RSPO3: variants seen among roughly 807,000 people sequenced by gnomAD.
RSPO3 encodes R-spondin 3, also known as R-spondin-3.
Under a neutral mutation model 36.5 loss-of-function variants are expected in RSPO3, and 17 were observed. The ratio of observed to expected loss-of-function variants is 0.47; its 90% CI spans 0.32 to 0.70. The LOEUF is 0.70. Ranked by LOEUF, RSPO3 falls within the 30% of genes least tolerant of loss-of-function variation. RSPO3 has a pLI of 0.04. For synonymous variants in RSPO3, 108 were observed against 107.0 expected, an observed-to-expected ratio of 1.01 and a Z score of -0.06; for missense variants, 294 against 322.5, an observed-to-expected ratio of 0.91 and a Z score of 0.68.
At chr6:127,135,413 C>A (rs900151086) in intron 1 of RSPO3, among the ~76,000 whole-genome samples, 1 of 89,654 alleles carries the variant, frequency 1.1e-5, no homozygotes. Flanking sequence ...GAGTGAGAAT[C>A]CATAAAAAAA....
chr6:127,166,193 T>C (rs543257820), intron 4 of RSPO3, among the ~76,000 whole-genome samples: 1 of 152,004 alleles, frequency 6.6e-6, no homozygotes, highest in South Asian at 2.1e-4. Flanking sequence ...ATTTTAAAAT[T>C]TGCATATCAT....
intron 4 of RSPO3, among the ~76,000 whole-genome samples, chr6:127,178,271 C>T (rs1199047936): frequency 2.0e-5 from 3 of 151,750 alleles, no homozygotes; most frequent in Non-Finnish European, 4.4e-5. Flanking sequence ...TACACATAAG[C>T]TTCTTAATTA....
intron 4 of RSPO3, among the ~76,000 whole-genome samples, chr6:127,156,524 G>A (rs1188399221): frequency 6.6e-6 from 1 of 152,088 alleles, no homozygotes; most frequent in African/African-American, 2.4e-5. Flanking sequence ...AATTCCAAAG[G>A]AGTTTGATTG....
At chr6:127,142,624 T>C (rs1774296722) in intron 1 of RSPO3, among the ~76,000 whole-genome samples, 1 of 152,190 alleles carries the variant, frequency 6.6e-6, no homozygotes, top group Non-Finnish European at 1.5e-5. Context: ...CCATTATTAC[T>C]TCACTTTGAA....
intron 4 of RSPO3, among the ~76,000 whole-genome samples, chr6:127,184,294 G>T (rs1054323569): frequency 2.6e-5 from 4 of 151,914 alleles, no homozygotes; most frequent in Non-Finnish European, 1.5e-5. Flanking sequence ...CTTTATATTT[G>T]TAGTTGTTAC....
intron 4 of RSPO3, among the ~76,000 whole-genome samples, chr6:127,186,467 T>C (rs964373064): frequency 6.6e-6 from 1 of 152,164 alleles, no homozygotes; most frequent in African/African-American, 2.4e-5. Flanking sequence ...TGGTTCCTGA[T>C]TTTCTGAAGC....
chr6:127,190,533 C>T (rs1317199242), intron 4 of RSPO3, among the ~76,000 whole-genome samples: 1 of 152,142 alleles, frequency 6.6e-6, no homozygotes, highest in Non-Finnish European at 1.5e-5. Flanking sequence ...AGATCAACCC[C>T]TTTTTCACAC....
chr6:127,124,557 GCA>G (rs939048629), intron 1 of RSPO3, among the ~76,000 whole-genome samples: 9 of 121,352 alleles, frequency 7.4e-5, no homozygotes, highest in African/African-American at 2.6e-4. Flanking sequence ...ATCATAAATT[GCA>G]CAGTTTTTTT....
At chr6:127,136,726 T>C (rs1184906220) in intron 1 of RSPO3, among the ~76,000 whole-genome samples, 2 of 152,158 alleles carry the variant, frequency 1.3e-5, no homozygotes, top group Non-Finnish European at 2.9e-5. Context: ...GGGATAGTTG[T>C]TTTGTTTTTC....
intron 1 of RSPO3, among the ~76,000 whole-genome samples, chr6:127,120,381 G>C (rs1773818500): frequency 6.6e-6 from 1 of 152,154 alleles, no homozygotes; most frequent in African/African-American, 2.4e-5. Context: ...CTGGTGGAGA[G>C]AGGGAGGAGG....
chr6:127,149,481 C>A (rs1443819699), intron 2 of RSPO3, among the ~76,000 whole-genome samples: 1 of 152,072 alleles, frequency 6.6e-6, no homozygotes, highest in Non-Finnish European at 1.5e-5. Context: ...ACTGGCTGTT[C>A]TAGCAGTTGG....
chr6:127,197,840 C>A lies in RSPO3; in HGVS notation c.*1833C>A, dbSNP rs1775545958. 1 of 219,952 alleles carries A rather than the reference C, an allele frequency of 4.5e-6. No individual in the cohort carries two copies. 13.6% of individuals were successfully genotyped at this position (219,952 alleles called of 1,614,324 possible). A position where few individuals can be genotyped will look rare whatever the true frequency, so the allele number is the denominator to read the frequency against. ...TGTCTCAACTCACTAAATCTATTCC[C>A]AATGTATAAAATAATTCTAATTCCA... On this transcript the variant is annotated 3_prime_UTR_variant, in exon 5 of 5. Transcript: ENST00000356698.
At chr6:127,182,145 A>G (rs1775201811) in intron 4 of RSPO3, among the ~76,000 whole-genome samples, 1 of 151,916 alleles carries the variant, frequency 6.6e-6, no homozygotes, top group Non-Finnish European at 1.5e-5. Flanking sequence ...AAACTCTCCT[A>G]GGAACTAATA....
chr6:127,137,995 GATA>G (rs1167935823), intron 1 of RSPO3, among the ~76,000 whole-genome samples: 1 of 152,134 alleles, frequency 6.6e-6, no homozygotes, highest in Non-Finnish European at 1.5e-5. Flanking sequence ...TATTTGTGAA[GATA>G]ATAATAATGT....
At chr6:127,182,923 G>C (rs779404680) in intron 4 of RSPO3, among the ~76,000 whole-genome samples, 16 of 152,002 alleles carry the variant, frequency 1.1e-4, no homozygotes, top group Non-Finnish European at 2.1e-4. Flanking sequence ...CATCATTTAT[G>C]CTTGCTATAG....
intron 1 of RSPO3, among the ~76,000 whole-genome samples, chr6:127,138,616 A>T (rs887169060): frequency 1.3e-5 from 2 of 152,238 alleles, no homozygotes; most frequent in Non-Finnish European, 2.9e-5. Context: ...AGTCCTAGGC[A>T]CTTTACACAG....
chr6:127,178,279 T>C (rs1473801524), intron 4 of RSPO3, among the ~76,000 whole-genome samples: 1 of 151,772 alleles, frequency 6.6e-6, no homozygotes, highest in Admixed American at 6.6e-5. Flanking sequence ...AGCTTCTTAA[T>C]TACCAAACTC....
At chr6:127,126,386 A>T (rs934932392) in intron 1 of RSPO3, among the ~76,000 whole-genome samples, 6 of 152,132 alleles carry the variant, frequency 3.9e-5, no homozygotes, top group African/African-American at 1.4e-4. Context: ...TAATGTCAAA[A>T]TAACATTAAT....
chr6:127,184,556 T>A (rs12529344), intron 4 of RSPO3, among the ~76,000 whole-genome samples: 4,304 of 152,066 alleles, frequency 0.028, 119 homozygotes, highest in Middle Eastern at 0.12. Flanking sequence ...ATCCAAAGAA[T>A]GAAAGTAATT....
Sources: gnomAD v4.1 joint callset for allele counts (sites outside exome capture counted in the v4.1 genomes callset) on GRCh38, gnomAD v4.1.1 for gene constraint, MANE v1.5 for transcripts, NCBI Gene and HGNC (gene_info 2026-07-23, HGNC 2026-07-21) for gene names.